ADGRE5: variants seen among roughly 807,000 people sequenced by gnomAD.
The protein encoded by ADGRE5 is CD97 molecule.
Under a neutral mutation model 100.3 loss-of-function variants are expected in ADGRE5, and 72 were observed. That is an observed-to-expected ratio of 0.72 (90% CI 0.59 to 0.87). The LOEUF (loss-of-function observed/expected upper bound fraction) is 0.87. Among genes scored for constraint, ADGRE5 ranks in the 40% least tolerant of loss-of-function variants. The probability of loss-of-function intolerance (pLI) is 0.00; values close to 1 mark genes in which losing one functional copy is unlikely to be tolerated. For synonymous variants in ADGRE5, 439 were observed against 447.8 expected, an observed-to-expected ratio of 0.98 and a Z score of 0.25; for missense variants, 959 against 1,094.7, an observed-to-expected ratio of 0.88 and a Z score of 1.75.
rs1264343547 is a variant in ADGRE5 at position 14,408,564 on chromosome 19, CCTTGGGGCCACTG to C, written c.*445_*457del. ...ATGTCAGAGGCCCCATGGCGAGGCC[CCTTGGGGCCACTG>C]CCTGAGGCTCACGGTACAGAGGCCT... On this transcript the variant is annotated 3_prime_UTR_variant, in exon 20 of 20. Coordinates refer to ENST00000242786, the MANE Select transcript of ADGRE5 (RefSeq NM_078481.4). 2 of 431,358 alleles carry C rather than the reference CCTTGGGGCCACTG, an allele frequency of 4.6e-6. No homozygotes were observed. Among genetic ancestry groups the C allele is most frequent in the Non-Finnish European group, 8.3e-6 (2 of 240,966 alleles). 26.7% of individuals were successfully genotyped at this position (431,358 alleles called of 1,614,324 possible).
At chr19:14,407,799 A>C in intron 18 of ADGRE5, 109 bp from the exon 19 acceptor site, 1 of 932,852 alleles carries the variant, frequency 1.1e-6, no homozygotes, top group Non-Finnish European at 1.7e-6. Context: ...TCTCAAAAAA[A>C]AGACAAACAC....
intron 9 of ADGRE5, among the ~76,000 whole-genome samples, chr19:14,398,916 G>A (rs1048788040): frequency 8.6e-5 from 13 of 151,256 alleles, no homozygotes; most frequent in East Asian, 2.0e-4. Context: ...ATCATGGCTC[G>A]CTGCAGCCTC....
chr19:14,393,736 T>C (rs1158557403), intron 4 of ADGRE5, among the ~76,000 whole-genome samples: 1 of 152,090 alleles, frequency 6.6e-6, no homozygotes, highest in Non-Finnish European at 1.5e-5. Flanking sequence ...GAGATGCATA[T>C]ACCTGGGACG....
intron 9 of ADGRE5, among the ~76,000 whole-genome samples, chr19:14,399,425 G>A (rs56162035): frequency 6.7e-4 from 101 of 151,132 alleles, no homozygotes; most frequent in Non-Finnish European, 1.2e-3. Context: ...TTAGCCGGGC[G>A]TAGTGGCGGG....
intron 9 of ADGRE5, among the ~76,000 whole-genome samples, chr19:14,398,737 T>TG (rs1448872089): frequency 6.6e-6 from 1 of 150,472 alleles, no homozygotes; most frequent in Non-Finnish European, 1.5e-5. Context: ...ATCCCCCCAT[T>TG]GCCACTTCTT....
chr19:14,403,241 C>T (rs1057144668), intron 12 of ADGRE5, among the ~76,000 whole-genome samples: 6 of 152,066 alleles, frequency 3.9e-5, no homozygotes, highest in Non-Finnish European at 5.9e-5. Flanking sequence ...GGGGTTTCTC[C>T]ATGTTGGTCA....
At position 14,398,056 on chromosome 19, in the gene ADGRE5, C is replaced by T; in HGVS notation, c.820-6C>T. On this transcript the variant is annotated splice_polypyrimidine_tract_variant and splice_region_variant and intron_variant, in intron 8 of 19. Transcript: ENST00000242786. Reference sequence around the variant, plus strand: ...TCTCTGACCCCCACATCTCCTCTCTCTGCAGACGCTTTCCCGATTCTTCGA... The same window carrying T: ...TCTCTGACCCCCACATCTCCTCTCTTTGCAGACGCTTTCCCGATTCTTCGA... 2.3e-5 allele frequency: 37 copies of T among 1,613,666 alleles called. No homozygotes were observed. Among genetic ancestry groups the T allele is most frequent in the Non-Finnish European group, 3.1e-5 (37 of 1,179,890 alleles).
intron 12 of ADGRE5, 48 bp from the exon 13 acceptor site, chr19:14,404,335 A>C (rs368394945): frequency 6.4e-7 from 1 of 1,566,604 alleles, no homozygotes; most frequent in Admixed American, 1.9e-5. Flanking sequence ...CCAGGACCTA[A>C]GAGTGAGCTC....
chr19:14,400,661 G>A (rs1056803711), intron 9 of ADGRE5, among the ~76,000 whole-genome samples: 5 of 151,682 alleles, frequency 3.3e-5, no homozygotes, highest in South Asian at 2.1e-4. Context: ...GCATGGTGGC[G>A]GGCACCTGTA....
intron 3 of ADGRE5, among the ~76,000 whole-genome samples, chr19:14,390,387 G>A (rs1302224634): frequency 1.4e-5 from 2 of 146,706 alleles, no homozygotes; most frequent in Admixed American, 6.8e-5. Flanking sequence ...GCAGTGACCC[G>A]ATCTCGGCTC....
Position 14,406,184 on chromosome 19 carries a change from T to TG in ADGRE5, c.1822-141dup, listed in dbSNP as rs1295844172. On this transcript the variant is annotated intron_variant, in intron 14 of 19. Coordinates refer to ENST00000242786, the MANE Select transcript of ADGRE5 (RefSeq NM_078481.4). This position sits in a 1 kb window ranked among gnomAD's most constrained non-coding sequence, Gnocchi z 6.0. Reference sequence around the variant, plus strand: ...TCTGAGCGTTGTTGGGGGTGGGCCCTGGGGGGAAACCTGGCCCCCGCTCCA... The same window carrying TG: ...TCTGAGCGTTGTTGGGGGTGGGCCCTGGGGGGGAAACCTGGCCCCCGCTCCA... 5.4e-6 allele frequency: 4 copies of TG among 738,496 alleles called. No homozygotes were observed. The highest frequency in any genetic ancestry group is 8.6e-6 in the Non-Finnish European group (4 of 464,260). 45.7% of individuals were successfully genotyped at this position (738,496 alleles called of 1,614,324 possible).
chr19:14,397,650 G>A lies in ADGRE5; in HGVS notation c.626-8G>A. The stretch of plus-strand genomic sequence containing the variant: ...GACAGGACCTGACCCCCTTCTTCCT[G>A]TCCTCAGATGTGGACGAGTGCAGCT... On this transcript the variant is annotated splice_region_variant and splice_polypyrimidine_tract_variant and intron_variant, in intron 6 of 19. Coordinates refer to ENST00000242786, the MANE Select transcript of ADGRE5 (RefSeq NM_078481.4). 6.5e-7 allele frequency: 1 copy of A among 1,532,220 alleles called. No individual in the cohort carries two copies. Among genetic ancestry groups the A allele is most frequent in the Non-Finnish European group, 8.9e-7 (1 of 1,118,106 alleles). The allele number at this position is 1,532,220 out of a possible 1,614,324, so 94.9% of individuals were successfully genotyped here.
At chr19:14,388,608 G>A (rs927820575) in intron 2 of ADGRE5, 94 bp from the exon 3 acceptor site, 26 of 1,607,416 alleles carry the variant, frequency 1.6e-5, no homozygotes, top group Admixed American at 6.7e-5. Context: ...GCTCGCGCAC[G>A]AGAAACTCAG....
Position 14,404,440 on chromosome 19 carries a change from G to C in ADGRE5, c.1507G>C (p.Asp503His), listed in dbSNP as rs753979664. ...LLCAFWKSDS[D>H]RGGHWATEGC... ...CTGTGCCTTCTGGAAGAGTGACAGC[G>C]ACAGGGGAGGGCACTGGGCCACCGA... The change falls in exon 13 of 20, where the codon GAC (aspartate) becomes CAC (histidine). Residue 503 changes from aspartate to histidine, a missense_variant. Around this residue, in one of 6 missense-constraint regions of ADGRE5, gnomAD observed 19 missense variants for 46.8 expected, o/e 0.41. Transcript: ENST00000242786. The C allele has an allele frequency of 1.2e-6, 2 of 1,612,076 alleles. No individual in the cohort carries two copies. Among genetic ancestry groups the C allele is most frequent in the African/African-American group, 2.7e-5 (2 of 74,886 alleles).
chr19:14,387,010 G>A (rs945045810), intron 1 of ADGRE5, among the ~76,000 whole-genome samples: 1 of 151,916 alleles, frequency 6.6e-6, no homozygotes, highest in Non-Finnish European at 1.5e-5. Flanking sequence ...GAGAGACTCT[G>A]TCTCAGAAAA....
rs1976342774 is a variant in ADGRE5 at position 14,407,907 on chromosome 19, G to A, written c.2377-1G>A. 6.2e-7 allele frequency: 1 copy of A among 1,613,942 alleles called. No individual in the cohort carries two copies. Among genetic ancestry groups the A allele is most frequent in the Non-Finnish European group, 8.5e-7 (1 of 1,179,924 alleles). On this transcript the variant is annotated splice_acceptor_variant, in intron 18 of 19. Transcript: ENST00000242786. LOFTEE classifies it high-confidence loss of function. Reference sequence around the variant, plus strand: ...CCCTGACTTGGTGTCTGGGCCGGCAGGTTCGGGAAGAATACCGGAAGTGGG... The same window carrying A: ...CCCTGACTTGGTGTCTGGGCCGGCAAGTTCGGGAAGAATACCGGAAGTGGG...
At chr19:14,386,703 A>C (rs1387300250) in intron 1 of ADGRE5, among the ~76,000 whole-genome samples, 1 of 145,036 alleles carries the variant, frequency 6.9e-6, no homozygotes, top group Admixed American at 7.0e-5. Context: ...CAAAAAAAAA[A>C]AAAAAAAAAA....
rs367579729 is a variant in ADGRE5 at position 14,397,179 on chromosome 19, C to T, written c.581C>T (p.Pro194Leu). 3.2e-5 allele frequency: 51 copies of T among 1,613,972 alleles called. No individual in the cohort carries two copies. The Middle Eastern group carries it at 6.6e-4, about 21-fold the overall frequency. The change falls in exon 6 of 20, where the codon CCG becomes CTG. Residue 194 changes from proline to leucine, a missense_variant. Physicochemically the swap from Pro to Leu is moderately conservative, Grantham distance 98 (BLOSUM62 -3). Around this residue, in one of 6 missense-constraint regions of ADGRE5, gnomAD observed 83 missense variants for 88.8 expected, o/e 0.93. Transcript: ENST00000242786. ...TGCCGCTGCCGCCCGGGCTGGCAAC[C>T]GATTCCGGGGTCCCCCAATGGCCCA... is the stretch of plus-strand genomic sequence containing the variant. The part of the protein sequence containing the change: ...YQCRCRPGWQ[P>L]IPGSPNGPNN...
In ADGRE5 at chr19:14,397,074, C is replaced by G; in HGVS notation, c.479-3C>G. 6.2e-7 allele frequency: 1 copy of G among 1,613,246 alleles called. No individual in the cohort carries two copies. Among genetic ancestry groups the G allele is most frequent in the South Asian group, 1.1e-5 (1 of 90,964 alleles). On this transcript the variant is annotated splice_region_variant and splice_polypyrimidine_tract_variant and intron_variant, in intron 5 of 19. Transcript: ENST00000242786. ...GGGTTTGACCCTCTGGCTTTGTCCT[C>G]AGATGTGAATGAATGCACCTCCGGA...
Sources: allele counts gnomAD v4.1 joint callset (sites outside exome capture counted in the v4.1 genomes callset), GRCh38; gene constraint gnomAD v4.1.1; regional missense constraint gnomAD v4.1.1; non-coding constraint Gnocchi (gnomAD v3.1); transcripts MANE v1.5; gene names NCBI Gene and HGNC (gene_info 2026-07-23, HGNC 2026-07-21).